The following CYP7B1 variants were observed in gnomAD, a reference collection of about 807,000 sequenced individuals.
CYP7B1 encodes the protein cytochrome P450 7B1.
CYP7B1 carries 29 observed loss-of-function variants against 42.7 expected under a neutral mutation model. The observed-to-expected ratio is 0.68, with a 90% CI of 0.51 to 0.93. The LOEUF (loss-of-function observed/expected upper bound fraction) is 0.93, where lower values mean the gene tolerates loss of function less well. Ranked by LOEUF, CYP7B1 falls within the 40% of genes least tolerant of loss-of-function variation. The probability of loss-of-function intolerance (pLI) is 0.00; values close to 1 mark genes in which losing one functional copy is unlikely to be tolerated. For missense variants in CYP7B1, 655 were observed against 600.5 expected (o/e 1.09, Z -0.95); for synonymous variants, 235 against 218.2 (o/e 1.08, Z -0.68).
chr8:64,685,259 G>A (rs1489482431), intron 1 of CYP7B1, among the ~76,000 whole-genome samples: 2 of 148,602 alleles, frequency 1.3e-5, no homozygotes, highest in Non-Finnish European at 3.0e-5. Flanking sequence ...CCAAAGTGCC[G>A]AGATTGCAGC....
chr8:64,701,242 C>T (rs914561084), intron 1 of CYP7B1, among the ~76,000 whole-genome samples: 10 of 151,944 alleles, frequency 6.6e-5, no homozygotes, highest in Admixed American at 5.9e-4. Flanking sequence ...CTGGGTTCAC[C>T]AGTGAACCCA....
intron 1 of CYP7B1, among the ~76,000 whole-genome samples, chr8:64,675,924 AGG>A (rs1303177355): frequency 6.6e-6 from 1 of 152,114 alleles, no homozygotes; most frequent in Non-Finnish European, 1.5e-5. Context: ...ATACACCCCC[AGG>A]GGGGTCTCTG....
intron 1 of CYP7B1, among the ~76,000 whole-genome samples, chr8:64,636,271 C>G (rs1805771425): frequency 6.6e-6 from 1 of 152,156 alleles, no homozygotes; most frequent in African/African-American, 2.4e-5. Flanking sequence ...AGCTCCCAGG[C>G]TCTGCCAACT....
Position 64,798,643 on chromosome 8 carries a change from TC to T in CYP7B1, c.-57del. 1 of 1,432,028 alleles carries T rather than the reference TC, an allele frequency of 7.0e-7. No homozygotes were observed. The highest frequency in any genetic ancestry group is 9.1e-7 in the Non-Finnish European group (1 of 1,100,974). The allele number at this position is 1,432,028 out of a possible 1,614,324, so 88.7% of individuals were successfully genotyped here. On this transcript the variant is annotated 5_prime_UTR_variant, in exon 1 of 6. Coordinates refer to ENST00000310193, the MANE Select transcript of CYP7B1 (RefSeq NM_004820.5). ...CGGGGTCTGCCTGCGAACAGCGCGG[TC>T]GGCGACTCTGCAGCCTGCGGCGGCT...
chr8:64,736,069 C>T (rs1216319126), intron 1 of CYP7B1, among the ~76,000 whole-genome samples: 1 of 152,110 alleles, frequency 6.6e-6, no homozygotes, highest in Non-Finnish European at 1.5e-5. Flanking sequence ...ATTATCACTA[C>T]AGAATCAAGG....
downstream of CYP7B1, among the ~76,000 whole-genome samples, chr8:64,586,944 G>C (rs1804975899): frequency 1.3e-5 from 2 of 152,186 alleles, no homozygotes; most frequent in African/African-American, 4.8e-5. Context: ...AGGAGGGAAA[G>C]AGAAGGAAAA....
chr8:64,686,176 T>G (rs1585855408), intron 1 of CYP7B1, among the ~76,000 whole-genome samples: 1 of 62,270 alleles, frequency 1.6e-5, no homozygotes, highest in African/African-American at 6.4e-5. Context: ...CCGCCCCTAC[T>G]GGGAAGTGAG....
At chr8:64,627,484 T>A (rs1003152643) in intron 1 of CYP7B1, among the ~76,000 whole-genome samples, 1 of 152,242 alleles carries the variant, frequency 6.6e-6, no homozygotes, top group Non-Finnish European at 1.5e-5. Context: ...TTTGGTTTAA[T>A]GTTGCTTGAA....
intron 1 of CYP7B1, among the ~76,000 whole-genome samples, chr8:64,668,432 A>G (rs1445295283): frequency 2.0e-5 from 3 of 152,020 alleles, no homozygotes; most frequent in African/African-American, 7.2e-5. Flanking sequence ...TAGCAGGTTT[A>G]CATATCTGTT....
rs1221389269 is a variant in CYP7B1, at chr8:64,616,174, A to C, written c.367T>G (p.Phe123Val). The change falls in exon 3 of 6, where the codon TTT becomes GTT. Residue 123 changes from phenylalanine (F) to valine (V), a missense_variant. Physicochemically the swap from Phe to Val is conservative, Grantham distance 50. Transcript: ENST00000310193. The stretch of plus-strand genomic sequence containing the variant: ...TTTTTTTGCAACTGACTGATGCTAA[A>C]TGCTTTCTCTAATAATTTATTAGAA... ...VFSNKLLEKA[F>V]SISQLQKNHD... is the part of the protein sequence containing the mutation. 1 of 1,612,884 alleles carries C rather than the reference A, an allele frequency of 6.2e-7. No individual in the cohort carries two copies. The highest frequency in any genetic ancestry group is 8.5e-7 in the Non-Finnish European group (1 of 1,179,306).
intron 1 of CYP7B1, among the ~76,000 whole-genome samples, chr8:64,735,806 G>A (rs1184622844): frequency 6.6e-6 from 1 of 152,126 alleles, no homozygotes; most frequent in Non-Finnish European, 1.5e-5. Flanking sequence ...GGGAAAACTG[G>A]AAAAGGGTAA....
At chr8:64,624,583 A>G (rs1380502209) in intron 1 of CYP7B1, 44 bp from the exon 2 acceptor site, 2 of 1,607,298 alleles carry the variant, frequency 1.2e-6, no homozygotes, top group Non-Finnish European at 1.7e-6. Flanking sequence ...AGAAAAATCA[A>G]ATCATTCTTA....
At chr8:64,631,022 A>G (rs571535061) in intron 1 of CYP7B1, among the ~76,000 whole-genome samples, 3 of 152,348 alleles carry the variant, frequency 2.0e-5, no homozygotes, top group East Asian at 3.9e-4. Flanking sequence ...TCCATCAAAC[A>G]TTAACATTAA....
intron 4 of CYP7B1, among the ~76,000 whole-genome samples, chr8:64,606,776 T>G (rs1466265004): frequency 2.6e-5 from 4 of 152,244 alleles, no homozygotes; most frequent in Admixed American, 1.3e-4. Context: ...TGAGCCATCA[T>G]GCCGATAATC....
intron 1 of CYP7B1, among the ~76,000 whole-genome samples, chr8:64,700,267 AC>A (rs1381285582): frequency 6.6e-6 from 1 of 152,094 alleles, no homozygotes; most frequent in Non-Finnish European, 1.5e-5. Flanking sequence ...GGCAATTTTG[AC>A]ATCAGTCCTT....
intron 5 of CYP7B1, 58 bp downstream of exon 5, chr8:64,604,624 A>G: frequency 6.3e-7 from 1 of 1,599,888 alleles, no homozygotes; most frequent in Non-Finnish European, 8.5e-7. Context: ...TAGGGATGGA[A>G]GAGGAATGTG....
Position 64,592,032 on chromosome 8 carries a change from A to G in CYP7B1, c.*4610T>C. On this transcript the variant is annotated 3_prime_UTR_variant, in exon 6 of 6. Transcript: ENST00000310193. The stretch of plus-strand genomic sequence containing the variant: ...GTGAAACCTCGTCTCCACTAAAAAT[A>G]CAAAAGTTGGTCAGGCATAGTGGTG... 6.6e-6 allele frequency among the ~76,000 whole-genome samples: 1 copy of G among 152,054 alleles called. No individual in the cohort carries two copies. The highest frequency in any genetic ancestry group is 1.9e-4 in the East Asian group (1 of 5,184).
chr8:64,723,394 T>A (rs1023819972), intron 1 of CYP7B1, among the ~76,000 whole-genome samples: 1 of 152,216 alleles, frequency 6.6e-6, no homozygotes, highest in Non-Finnish European at 1.5e-5. Context: ...CAATTTTTTA[T>A]CCAAATGCCC....
intron 1 of CYP7B1, among the ~76,000 whole-genome samples, chr8:64,773,040 C>G (rs1585906908): frequency 6.6e-6 from 1 of 152,222 alleles, no homozygotes; most frequent in Non-Finnish European, 1.5e-5. Context: ...ACTTCCAGAA[C>G]TCCAGATCCC....
Sources: allele counts gnomAD v4.1 joint callset (sites outside exome capture counted in the v4.1 genomes callset), GRCh38; gene constraint gnomAD v4.1.1; transcripts MANE v1.5; gene names NCBI Gene and HGNC (gene_info 2026-07-23, HGNC 2026-07-21).